Variants in TMEM132D observed in about 807,000 individuals in gnomAD.
The protein encoded by TMEM132D is mature OL transmembrane protein.
TMEM132D carries 21 observed loss-of-function variants against 62.3 expected under a neutral mutation model. The observed-to-expected ratio is 0.34, with a 90% CI of 0.24 to 0.49. The LOEUF is 0.49. Among genes scored for constraint, TMEM132D ranks in the 20% least tolerant of loss-of-function variants. The pLI, the probability that TMEM132D is intolerant of heterozygous loss-of-function variation, is 0.99. For missense variants in TMEM132D, 1,346 were observed against 1,402.8 expected, an observed-to-expected ratio of 0.96 and a Z score of 0.65; for synonymous variants, 621 against 575.6, an observed-to-expected ratio of 1.08 and a Z score of -1.13.
chr12:129,612,512 A>G (rs1029571524), intron 2 of TMEM132D, among the ~76,000 whole-genome samples: 1 of 152,218 alleles, frequency 6.6e-6, no homozygotes, highest in African/African-American at 2.4e-5. Flanking sequence ...ATTTCCTTAA[A>G]AGTGTAGTAA....
At chr12:129,183,661 G>A (rs955008507) in intron 5 of TMEM132D, among the ~76,000 whole-genome samples, 2 of 152,224 alleles carry the variant, frequency 1.3e-5, no homozygotes, top group African/African-American at 4.8e-5. Flanking sequence ...CTGCATTTCT[G>A]TTTTCTCTTG....
chr12:129,108,003 A>G (rs1489277746), intron 5 of TMEM132D, among the ~76,000 whole-genome samples: 1 of 152,106 alleles, frequency 6.6e-6, no homozygotes, highest in Admixed American at 6.6e-5. Context: ...AGAACACAGG[A>G]CAATTCTTTG....
intron 3 of TMEM132D, among the ~76,000 whole-genome samples, chr12:129,452,946 C>T (rs1476067322): frequency 6.6e-6 from 1 of 152,156 alleles, no homozygotes; most frequent in Non-Finnish European, 1.5e-5. Context: ...GCCATGGACC[C>T]ATACTGGTTG....
At chr12:129,757,681 A>G (rs1565975346) in intron 1 of TMEM132D, among the ~76,000 whole-genome samples, 1 of 152,150 alleles carries the variant, frequency 6.6e-6, no homozygotes, top group African/African-American at 2.4e-5. Flanking sequence ...AGCCACCTCC[A>G]AAAGGGTTTC....
At chr12:129,352,599 A>C (rs1446947469) in intron 3 of TMEM132D, among the ~76,000 whole-genome samples, 2 of 152,242 alleles carry the variant, frequency 1.3e-5, no homozygotes, top group African/African-American at 4.8e-5. Flanking sequence ...AAATAGGCAA[A>C]GGATATGAAC....
intron 3 of TMEM132D, among the ~76,000 whole-genome samples, chr12:129,508,139 A>T (rs941193848): frequency 6.6e-6 from 1 of 152,200 alleles, no homozygotes; most frequent in Non-Finnish European, 1.5e-5. Flanking sequence ...TGGGCAAAAC[A>T]TGTTGAACAG....
intron 3 of TMEM132D, among the ~76,000 whole-genome samples, chr12:129,530,726 A>G (rs1321890916): frequency 6.6e-6 from 1 of 152,068 alleles, no homozygotes; most frequent in African/African-American, 2.4e-5. Context: ...GTTTCATGAG[A>G]CATGCAGAGT....
intron 1 of TMEM132D, among the ~76,000 whole-genome samples, chr12:129,775,448 T>C (rs1242595037): frequency 1.3e-5 from 2 of 152,146 alleles, no homozygotes; most frequent in Non-Finnish European, 2.9e-5. Context: ...CCTCTCAAGC[T>C]GCCAGAGAAA....
At chr12:129,353,912 G>A (rs78361530) in intron 3 of TMEM132D, among the ~76,000 whole-genome samples, 2,355 of 151,988 alleles carry the variant, frequency 0.015, 36 homozygotes, top group African/African-American at 0.037. Context: ...CTTCTCGCAC[G>A]GAGCCAATGA....
At chr12:129,502,525 C>A (rs1020279519) in intron 3 of TMEM132D, among the ~76,000 whole-genome samples, 1 of 151,990 alleles carries the variant, frequency 6.6e-6, no homozygotes, top group African/African-American at 2.4e-5. Flanking sequence ...ATATTGACTT[C>A]GGGCATAACT....
At chr12:129,765,113 C>G (rs539481393) in intron 1 of TMEM132D, among the ~76,000 whole-genome samples, 6 of 152,242 alleles carry the variant, frequency 3.9e-5, no homozygotes, top group Admixed American at 3.3e-4. Flanking sequence ...CTGTGATTAT[C>G]TAAAGGTGGG....
At chr12:129,529,450 T>A (rs1240278339) in intron 3 of TMEM132D, among the ~76,000 whole-genome samples, 2 of 152,256 alleles carry the variant, frequency 1.3e-5, no homozygotes, top group African/African-American at 2.4e-5. Flanking sequence ...GGCCCCCCCA[T>A]GCTCTCTCTC....
intron 2 of TMEM132D, among the ~76,000 whole-genome samples, chr12:129,550,761 T>A (rs12229410): frequency 6.6e-6 from 1 of 152,022 alleles, no homozygotes; most frequent in East Asian, 1.9e-4. Context: ...TTCCTCTCAC[T>A]ACTTCAGTCC....
At chr12:129,753,079 T>A (rs1870050945) in intron 1 of TMEM132D, among the ~76,000 whole-genome samples, 1 of 152,196 alleles carries the variant, frequency 6.6e-6, no homozygotes, top group African/African-American at 2.4e-5. Flanking sequence ...CCAAAAGTCA[T>A]GGCTAACAGG....
At chr12:129,770,131 G>T (rs1870687595) in intron 1 of TMEM132D, among the ~76,000 whole-genome samples, 2 of 84,420 alleles carry the variant, frequency 2.4e-5, no homozygotes, top group Admixed American at 1.6e-4. Flanking sequence ...TTCTTTGTGG[G>T]TTTTTTTGGT....
At chr12:129,149,233 G>C (rs1593277153) in intron 5 of TMEM132D, among the ~76,000 whole-genome samples, 1 of 151,812 alleles carries the variant, frequency 6.6e-6, no homozygotes, top group Admixed American at 6.6e-5. Flanking sequence ...GTTGGGGGGT[G>C]GGGGGCAAGG....
intron 2 of TMEM132D, among the ~76,000 whole-genome samples, chr12:129,642,515 C>T (rs1879665619): frequency 6.6e-6 from 1 of 152,186 alleles, no homozygotes; most frequent in Non-Finnish European, 1.5e-5. Flanking sequence ...TCCTTCCATC[C>T]ACACTCAGAC....
chr12:129,359,872 C>T (rs1164918368), intron 3 of TMEM132D, among the ~76,000 whole-genome samples: 2 of 151,462 alleles, frequency 1.3e-5, no homozygotes, highest in African/African-American at 2.4e-5. Context: ...ATAAAAATTG[C>T]CATAAGGATA....
At chr12:129,139,979 G>C (rs948309456) in intron 5 of TMEM132D, among the ~76,000 whole-genome samples, 24 of 152,090 alleles carry the variant, frequency 1.6e-4, no homozygotes, top group African/African-American at 5.8e-4. Context: ...GCCTCCCAAA[G>C]TGTTGGGATT....
Sources: allele counts gnomAD v4.1 joint callset (sites outside exome capture counted in the v4.1 genomes callset), GRCh38; gene constraint gnomAD v4.1.1; transcripts MANE v1.5; gene names NCBI Gene and HGNC (gene_info 2026-07-23, HGNC 2026-07-21).